Variants in RAB6A observed in about 807,000 individuals in gnomAD.
The protein encoded by RAB6A is ras-related protein Rab-6A.
RAB6A carries 8 observed loss-of-function variants against 32.3 expected under a neutral mutation model. The observed-to-expected ratio is 0.25, with a 90% CI of 0.15 to 0.45. The LOEUF is 0.45. Among genes scored for constraint, RAB6A ranks in the 20% least tolerant of loss-of-function variants. The pLI is 1.00. For synonymous variants in RAB6A, 73 were observed against 82.1 expected (o/e 0.89, Z 0.60); for missense variants, 104 against 249.4 (o/e 0.42, Z 3.93).
chr11:73,713,261 A>T (rs1352566039), intron 5 of RAB6A, among the ~76,000 whole-genome samples: 2 of 151,776 alleles, frequency 1.3e-5, no homozygotes, highest in East Asian at 3.9e-4. Context: ...TCTTCTCCTT[A>T]AAACATTTAT....
intron 5 of RAB6A, among the ~76,000 whole-genome samples, chr11:73,710,540 C>G (rs1363859983): frequency 3.3e-5 from 5 of 151,620 alleles, no homozygotes; most frequent in Non-Finnish European, 7.4e-5. Context: ...AGTTCAAGAC[C>G]AGCCTGGCCA....
At chr11:73,709,463 A>ATT in intron 5 of RAB6A, among the ~76,000 whole-genome samples, 1 of 120,296 alleles carries the variant, frequency 8.3e-6, no homozygotes, top group East Asian at 2.5e-4. Context: ...TATTATTATT[A>ATT]CTATTATTAT....
At chr11:73,746,174 A>G (rs1195799572) in intron 1 of RAB6A, among the ~76,000 whole-genome samples, 2 of 152,034 alleles carry the variant, frequency 1.3e-5, no homozygotes, top group East Asian at 3.9e-4. Flanking sequence ...AAAGAAAAAA[A>G]AAAAGCTGTT....
In RAB6A at chr11:73,711,521, C is replaced by T. The variant is rs188527576; in HGVS notation, c.402-4008G>A. 1.6e-4 allele frequency among the ~76,000 whole-genome samples: 24 copies of T among 152,224 alleles called. No individual in the cohort carries two copies. The East Asian group carries it at 3.9e-3, about 24-fold the overall frequency. On this transcript the variant is annotated intron_variant, in intron 5 of 7. Transcript: ENST00000336083. ...ACCATTTTCCTTTTGTGGGCACCTG[C>T]GTTGTTTACAGTCTTTAGATATTAC...
intron 1 of RAB6A, among the ~76,000 whole-genome samples, chr11:73,747,976 C>T (rs1258485418): frequency 6.6e-6 from 1 of 152,138 alleles, no homozygotes; most frequent in African/African-American, 2.4e-5. Context: ...TGTTTCTTCA[C>T]CCTGAAGTTA....
intron 5 of RAB6A, among the ~76,000 whole-genome samples, chr11:73,715,700 T>C (rs1259995268): frequency 6.6e-6 from 1 of 152,230 alleles, no homozygotes; most frequent in African/African-American, 2.4e-5. Context: ...TGAATGTTAA[T>C]ATATTTTGCA....
At chr11:73,680,072 C>T (rs1036951294) in intron 6 of RAB6A, among the ~76,000 whole-genome samples, 7 of 151,424 alleles carry the variant, frequency 4.6e-5, no homozygotes, top group South Asian at 2.1e-4. Context: ...CACTCCAGCC[C>T]GGGCAACAGG....
At chr11:73,710,168 G>A (rs985459777) in intron 5 of RAB6A, among the ~76,000 whole-genome samples, 10 of 147,714 alleles carry the variant, frequency 6.8e-5, no homozygotes, top group South Asian at 2.1e-4. Flanking sequence ...GGGTTTCACC[G>A]TGTTAGCCAG....
intron 6 of RAB6A, among the ~76,000 whole-genome samples, chr11:73,706,689 T>C (rs1003491759): frequency 2.6e-5 from 4 of 152,146 alleles, no homozygotes; most frequent in Admixed American, 2.0e-4. Flanking sequence ...AAAAGACCTG[T>C]TGTAAACACT....
Position 73,696,695 on chromosome 11 carries a change from AC to A in RAB6A, c.495+10724del, listed in dbSNP as rs1399268166. Among the ~76,000 whole-genome samples, 3 of 151,130 alleles carry A rather than the reference AC, an allele frequency of 2.0e-5. No homozygotes were observed. In the East Asian group the frequency reaches 5.8e-4, roughly 29 times the overall value. ...ATCATGGGTCACTGCAGCCTCATCC[AC>A]CCAGGCTCAACCAATCCTCCCACCT... is the stretch of plus-strand genomic sequence containing the variant. On this transcript the variant is annotated intron_variant, in intron 6 of 7. Coordinates refer to ENST00000336083, the MANE Select transcript of RAB6A (RefSeq NM_198896.2).
At chr11:73,704,676 T>G (rs1473105897) in intron 6 of RAB6A, among the ~76,000 whole-genome samples, 1 of 143,394 alleles carries the variant, frequency 7.0e-6, no homozygotes, top group Non-Finnish European at 1.5e-5. Flanking sequence ...AGAGTGAGAC[T>G]CCATCTCAAA....
At chr11:73,684,474 T>C (rs1436492344) in intron 6 of RAB6A, among the ~76,000 whole-genome samples, 1 of 152,218 alleles carries the variant, frequency 6.6e-6, no homozygotes, top group East Asian at 1.9e-4. Context: ...TGGCCAGATA[T>C]GTACATTGTT....
chr11:73,685,241 A>G (rs905253600), intron 6 of RAB6A, among the ~76,000 whole-genome samples: 20 of 151,954 alleles, frequency 1.3e-4, no homozygotes, highest in Non-Finnish European at 4.4e-5. Flanking sequence ...GTTAAGGGAA[A>G]TAATTATGCA....
At chr11:73,681,780 G>T (rs1326824111) in intron 6 of RAB6A, among the ~76,000 whole-genome samples, 1 of 152,172 alleles carries the variant, frequency 6.6e-6, no homozygotes, top group Non-Finnish European at 1.5e-5. Context: ...CTGCACTGCA[G>T]CCTGGGCGAC....
chr11:73,692,788 CAAAAAAA>C (rs140762210), intron 6 of RAB6A, among the ~76,000 whole-genome samples: 17 of 98,184 alleles, frequency 1.7e-4, no homozygotes, highest in East Asian at 1.3e-3. Context: ...ACTAAAAATA[CAAAAAAA>C]AAAAAAAAAA....
intron 1 of RAB6A, among the ~76,000 whole-genome samples, chr11:73,752,619 A>G (rs1409978972): frequency 6.6e-6 from 1 of 152,166 alleles, no homozygotes; most frequent in Non-Finnish European, 1.5e-5. Flanking sequence ...GGAATTCGAG[A>G]TGAGCCTGGG....
At chr11:73,753,099 A>G (rs564828111) in intron 1 of RAB6A, among the ~76,000 whole-genome samples, 1 of 152,046 alleles carries the variant, frequency 6.6e-6, no homozygotes, top group Non-Finnish European at 1.5e-5. Context: ...AATTTTTTTT[A>G]ATCAGCCGAG....
chr11:73,750,423 C>G (rs1410054746), intron 1 of RAB6A, among the ~76,000 whole-genome samples: 1 of 150,746 alleles, frequency 6.6e-6, no homozygotes, highest in Non-Finnish European at 1.5e-5. Context: ...GATGTCAGCT[C>G]ACTGCAAACT....
chr11:73,736,702 C>G (rs937681144), intron 1 of RAB6A, among the ~76,000 whole-genome samples: 17 of 139,868 alleles, frequency 1.2e-4, no homozygotes, highest in African/African-American at 4.2e-4. Flanking sequence ...TGAGGCAGGA[C>G]AATCACTTAA....
Sources: gnomAD v4.1 joint callset for allele counts (sites outside exome capture counted in the v4.1 genomes callset) on GRCh38, gnomAD v4.1.1 for gene constraint, MANE v1.5 for transcripts, NCBI Gene and HGNC (gene_info 2026-07-23, HGNC 2026-07-21) for gene names.